The following WDR59 variants were observed in gnomAD, a reference collection of about 807,000 sequenced individuals.
WDR59 encodes WD repeat domain 59, also known as GATOR2 complex protein WDR59.
WDR59 carries 100 observed loss-of-function variants against 131.2 expected under a neutral mutation model. The observed-to-expected ratio is 0.76, with a 90% confidence interval of 0.65 to 0.90. The LOEUF is 0.90. WDR59 is among the 40% of genes least tolerant of loss of function. The pLI, the probability that WDR59 is intolerant of heterozygous loss-of-function variation, is 0.00. For synonymous variants in WDR59, 601 were observed against 466.2 expected (o/e 1.29, Z -3.72); for missense variants, 1,203 against 1,262.2 (o/e 0.95, Z 0.71).
intron 1 of WDR59, among the ~76,000 whole-genome samples, chr16:74,984,106 G>C (rs1330789304): frequency 1.3e-5 from 2 of 151,822 alleles, no homozygotes; most frequent in East Asian, 3.9e-4. Context: ...GTGAAACCCC[G>C]TCTCTACTAA....
intron 1 of WDR59, among the ~76,000 whole-genome samples, chr16:74,977,381 C>G (rs1051219445): frequency 2.0e-5 from 3 of 152,144 alleles, no homozygotes; most frequent in African/African-American, 4.8e-5. Flanking sequence ...TTACACTCTT[C>G]TTAATCTATA....
At chr16:74,981,639 T>TATATATATATAC (rs2034419524) in intron 1 of WDR59, among the ~76,000 whole-genome samples, 6 of 40,890 alleles carry the variant, frequency 1.5e-4, no homozygotes, top group South Asian at 7.5e-4. Flanking sequence ...TATATATATA[T>TATATATATATAC]ATATATATAT....
At chr16:74,919,224 C>A (rs1024464730) in intron 10 of WDR59, among the ~76,000 whole-genome samples, 1 of 152,128 alleles carries the variant, frequency 6.6e-6, no homozygotes, top group African/African-American at 2.4e-5. Flanking sequence ...CTACGCCTTG[C>A]CTTTGAGGGT....
At chr16:74,948,613 T>C in intron 5 of WDR59, 57 bp from the exon 6 acceptor site, 1 of 1,395,730 alleles carries the variant, frequency 7.2e-7, no homozygotes, top group Middle Eastern at 1.8e-4. Context: ...ACCCACCTGG[T>C]ATTTTTCACC....
At chr16:74,923,709 A>G (rs2030487941) in intron 9 of WDR59, among the ~76,000 whole-genome samples, 1 of 152,132 alleles carries the variant, frequency 6.6e-6, no homozygotes, top group Non-Finnish European at 1.5e-5. Context: ...TCCTGACCTC[A>G]GGGGATCCAG....
At chr16:74,899,267 CTGT>C (rs1309562037) in intron 18 of WDR59, among the ~76,000 whole-genome samples, 1 of 152,204 alleles carries the variant, frequency 6.6e-6, no homozygotes, top group Non-Finnish European at 1.5e-5. Flanking sequence ...GCACCTCCCT[CTGT>C]GAACTAGACC....
chr16:74,882,682 G>A (rs1286638700), intron 25 of WDR59, among the ~76,000 whole-genome samples: 3 of 151,482 alleles, frequency 2.0e-5, no homozygotes, highest in African/African-American at 2.4e-5. Context: ...GGTGGCGGGC[G>A]CCTGTAGTCT....
chr16:74,903,770 T>A (rs761681894), intron 18 of WDR59, among the ~76,000 whole-genome samples, 177 bp downstream of exon 18: 3 of 152,128 alleles, frequency 2.0e-5, no homozygotes, highest in Non-Finnish European at 4.4e-5. Flanking sequence ...ACACACACAA[T>A]TTATAGCAGG....
chr16:74,921,995 C>G lies in WDR59; in HGVS notation c.838G>C (p.Gly280Arg). Residue 280 changes from glycine to arginine, a missense_variant, in exon 10 of 26, where the codon GGG becomes CGG. Physicochemically the swap from Gly to Arg is moderately radical, Grantham distance 125. Transcript: ENST00000262144. Reference protein sequence around the residue: ...DLNTPVHTFVGHDDVVLEFQW... With the variant: ...DLNTPVHTFVRHDDVVLEFQW... ...AACTCCAGGACCACATCATCATGCCCCACGAAGGTGTGGACTGGGGTGTTC... is the reference window on the plus strand; with the variant it reads ...AACTCCAGGACCACATCATCATGCCGCACGAAGGTGTGGACTGGGGTGTTC... The G allele has an allele frequency of 5.0e-6, 8 of 1,614,196 alleles. No homozygotes were observed. The highest frequency in any genetic ancestry group is 6.8e-6 in the Non-Finnish European group (8 of 1,180,036).
intron 1 of WDR59, among the ~76,000 whole-genome samples, chr16:74,967,630 G>A (rs769642050): frequency 1.3e-5 from 2 of 152,076 alleles, no homozygotes; most frequent in African/African-American, 4.8e-5. Flanking sequence ...AGGCCAAGAC[G>A]GATGGATCAC....
At position 74,956,493 on chromosome 16, in the gene WDR59, T is replaced by G; in HGVS notation, c.222A>C (p.Ala74=). ...AGCTCACCGAAGCCGCAAAATAGTGTGCAAAGCTGTCATGAGGATTCCACT... is the reference window on the plus strand; with the variant it reads ...AGCTCACCGAAGCCGCAAAATAGTGGGCAAAGCTGTCATGAGGATTCCACT... ...AVQWNPHDSF[A]HYFAASSNQR... Residue 74 remains alanine, a synonymous_variant, in exon 3 of 26, where the codon GCA becomes GCC. Coordinates refer to ENST00000262144, the MANE Select transcript of WDR59 (RefSeq NM_030581.4). 2 of 1,613,960 alleles carry G rather than the reference T, an allele frequency of 1.2e-6. No homozygotes were observed. The highest frequency in any genetic ancestry group is 1.7e-6 in the Non-Finnish European group (2 of 1,179,972).
At chr16:74,920,068 C>CAA (rs71378717) in intron 10 of WDR59, among the ~76,000 whole-genome samples, 2 of 120,894 alleles carry the variant, frequency 1.7e-5, no homozygotes, top group Admixed American at 1.6e-4. Flanking sequence ...GACCCTATCT[C>CAA]AAAAAAAAAA....
rs374410590 is a variant in WDR59 at position 74,909,937 on chromosome 16, C to T, written c.1390-20G>A. 6.3e-6 allele frequency: 10 copies of T among 1,582,122 alleles called. No individual in the cohort carries two copies. Among genetic ancestry groups the T allele is most frequent in the Non-Finnish European group, 8.6e-6 (10 of 1,164,872 alleles). On this transcript the variant is annotated intron_variant, in intron 14 of 25. Coordinates refer to ENST00000262144, the MANE Select transcript of WDR59 (RefSeq NM_030581.4). Reference sequence around the variant, plus strand: ...CAGGATCTAGAAAAGGCCCAAAACACAGTCAAGAAGAGGAACACATTTCTC... The same window carrying T: ...CAGGATCTAGAAAAGGCCCAAAACATAGTCAAGAAGAGGAACACATTTCTC...
Position 74,938,184 on chromosome 16 carries a change from A to G in WDR59, c.617T>C (p.Ile206Thr). ...ATTGTCTTGACTGGAGGTAGCAAGAATGTGCTCGCTGTCTGGGTGCCAGTC... is the reference window on the plus strand; with the variant it reads ...ATTGTCTTGACTGGAGGTAGCAAGAGTGTGCTCGCTGTCTGGGTGCCAGTC... ...GLDWHPDSEH[I>T]LATSSQDNSV... The change falls in exon 8 of 26, where the codon ATT becomes ACT. Residue 206 changes from isoleucine to threonine, a missense_variant. Ile to Thr is a moderately conservative substitution (Grantham distance 89). Transcript: ENST00000262144. 1 of 1,579,574 alleles carries G rather than the reference A, an allele frequency of 6.3e-7. No homozygotes were observed. Among genetic ancestry groups the G allele is most frequent in the South Asian group, 1.2e-5 (1 of 86,058 alleles).
chr16:74,946,028 G>A (rs571678787), intron 6 of WDR59, among the ~76,000 whole-genome samples: 2 of 151,960 alleles, frequency 1.3e-5, no homozygotes, highest in East Asian at 3.9e-4. Flanking sequence ...TGTTGAGGCT[G>A]GTCTCGAACT....
intron 8 of WDR59, among the ~76,000 whole-genome samples, chr16:74,936,909 T>C (rs571069829): frequency 6.6e-6 from 1 of 152,110 alleles, no homozygotes; most frequent in Non-Finnish European, 1.5e-5. Context: ...ACATTAAAAA[T>C]AACTTACAAC....
chr16:74,897,073 T>C (rs1965331710), intron 18 of WDR59, among the ~76,000 whole-genome samples: 1 of 152,246 alleles, frequency 6.6e-6, no homozygotes, highest in Non-Finnish European at 1.5e-5. Context: ...GCTTGGTCCA[T>C]TTTTTAATGG....
chr16:74,929,421 T>C (rs1326290067), intron 8 of WDR59, among the ~76,000 whole-genome samples: 1 of 152,106 alleles, frequency 6.6e-6, no homozygotes, highest in Non-Finnish European at 1.5e-5. Flanking sequence ...AAACAGTATA[T>C]GAAAAGATGC....
rs545937573 is a variant in WDR59 at position 74,944,892 on chromosome 16, G to A, written c.446-2066C>T. Among the ~76,000 whole-genome samples the A allele has an allele frequency of 9.2e-5, 14 of 152,252 alleles. No homozygotes were observed. In the East Asian group the frequency reaches 9.7e-4, roughly 11 times the overall value. On this transcript the variant is annotated intron_variant, in intron 6 of 25. Coordinates refer to ENST00000262144, the MANE Select transcript of WDR59 (RefSeq NM_030581.4). ...CTCACTCCCAGCACTTTGGGAGGCC[G>A]AGGCAGGTAGGCCACAAAGTCAGGA... is the stretch of plus-strand genomic sequence containing the variant.
Sources: gnomAD v4.1 joint callset for allele counts (sites outside exome capture counted in the v4.1 genomes callset) on GRCh38, gnomAD v4.1.1 for gene constraint, MANE v1.5 for transcripts, NCBI Gene and HGNC (gene_info 2026-07-23, HGNC 2026-07-21) for gene names.